Variants in MSL2 observed in about 807,000 individuals in gnomAD.
MSL2 encodes MSL complex subunit 2.
In MSL2, 2 loss-of-function variants were observed where a neutral mutation model predicts 35.8. The ratio of observed to expected loss-of-function variants is 0.06; its 90% confidence interval spans 0.02 to 0.18. MSL2 has a LOEUF of 0.18. Ranked by LOEUF, MSL2 falls within the 10% of genes least tolerant of loss-of-function variation. The pLI, the probability that MSL2 is intolerant of heterozygous loss-of-function variation, is 1.00. For synonymous variants in MSL2, 296 were observed against 255.7 expected (o/e 1.16, Z -1.50); for missense variants, 523 against 706.7 (o/e 0.74, Z 2.95).
chr3:136,169,165 G>C (rs1328125600), intron 1 of MSL2, among the ~76,000 whole-genome samples: 3 of 132,470 alleles, frequency 2.3e-5, no homozygotes, highest in African/African-American at 8.7e-5. Flanking sequence ...TGTAGTCTTG[G>C]ATTCTGCCAG....
intron 1 of MSL2, among the ~76,000 whole-genome samples, chr3:136,183,423 G>GT (rs200993213): frequency 0.01 from 1,523 of 151,824 alleles, 28 homozygotes; most frequent in African/African-American, 0.033. Context: ...TGAAAGTTTT[G>GT]TTTTTTGGTT....
At chr3:136,157,119 G>A (rs555894747) in intron 1 of MSL2, among the ~76,000 whole-genome samples, 1 of 152,168 alleles carries the variant, frequency 6.6e-6, no homozygotes, top group South Asian at 2.1e-4. Context: ...AAACTAATCA[G>A]GTTAAAGCAA....
chr3:136,187,666 T>C (rs1475279556), intron 1 of MSL2, among the ~76,000 whole-genome samples: 2 of 151,064 alleles, frequency 1.3e-5, no homozygotes, highest in Non-Finnish European at 2.9e-5. Flanking sequence ...CAAGACTCCG[T>C]CTCAAAAAAA....
intron 1 of MSL2, among the ~76,000 whole-genome samples, chr3:136,175,552 T>C (rs1940149704): frequency 1.3e-5 from 2 of 151,962 alleles, no homozygotes; most frequent in African/African-American, 4.8e-5. Context: ...CCAGACATGG[T>C]GGCACATGCC....
Position 136,194,951 on chromosome 3 carries a change from GAAC to G in MSL2, c.142+18_142+20del. 6.2e-7 allele frequency: 1 copy of G among 1,613,240 alleles called. No individual in the cohort carries two copies. The highest frequency in any genetic ancestry group is 8.5e-7 in the Non-Finnish European group (1 of 1,179,844). On this transcript the variant is annotated intron_variant, in intron 1 of 1. Transcript: ENST00000309993. ...CTTTTAAAAACAAGCATTGAAAAGG[GAAC>G]AATAAAAAGCGTCTCACCGCAAACA... is the stretch of plus-strand genomic sequence containing the variant.
Position 136,195,554 on chromosome 3 carries a change from G to A in MSL2, c.-441C>T. On this transcript the variant is annotated 5_prime_UTR_variant, in exon 1 of 2. Coordinates refer to ENST00000309993, the MANE Select transcript of MSL2 (RefSeq NM_018133.4). ...CCCGGCCCCGTCTGAGGCGCGGCAC[G>A]CTTCTCCCGGGCTGCAGGGCCTCTT... 2.0e-6 allele frequency: 2 copies of A among 999,808 alleles called. No individual in the cohort carries two copies. Among genetic ancestry groups the A allele is most frequent in the Non-Finnish European group, 2.4e-6 (2 of 839,486 alleles). 61.9% of individuals were successfully genotyped at this position (999,808 alleles called of 1,614,324 possible).
At chr3:136,175,714 A>G (rs1297775524) in intron 1 of MSL2, among the ~76,000 whole-genome samples, 1 of 152,212 alleles carries the variant, frequency 6.6e-6, no homozygotes, top group Non-Finnish European at 1.5e-5. Context: ...AGTCTGAGAT[A>G]GGGCCGGAAC....
At position 136,152,589 on chromosome 3, in the gene MSL2, T is replaced by G; in HGVS notation, c.292A>C (p.Ile98Leu). The G allele has an allele frequency of 1.2e-6, 2 of 1,614,206 alleles. No homozygotes were observed. Among genetic ancestry groups the G allele is most frequent in the Non-Finnish European group, 8.5e-7 (1 of 1,180,040 alleles). ...EQFEENKQLS[I>L]LVNCYKKLCE... Reference sequence around the variant, plus strand: ...AGTTTTTTGTAGCAGTTCACTAGGATGCTTAACTGCTTGTTTTCCTCAAAC... The same window carrying G: ...AGTTTTTTGTAGCAGTTCACTAGGAGGCTTAACTGCTTGTTTTCCTCAAAC... Residue 98 changes from isoleucine to leucine, a missense_variant, in exon 2 of 2, where the codon ATC (isoleucine) becomes CTC (leucine). Ile to Leu is a conservative substitution (Grantham distance 5). Coordinates refer to ENST00000309993, the MANE Select transcript of MSL2 (RefSeq NM_018133.4).
chr3:136,194,320 A>T (rs1187914205), intron 1 of MSL2: 5 of 728,904 alleles, frequency 6.9e-6, no homozygotes, highest in Non-Finnish European at 8.4e-6. Flanking sequence ...TTTAACAAAA[A>T]CATCTAAAAT....
intron 1 of MSL2, among the ~76,000 whole-genome samples, chr3:136,183,737 C>G (rs1263504534): frequency 6.6e-6 from 1 of 152,124 alleles, no homozygotes; most frequent in Non-Finnish European, 1.5e-5. Context: ...ATACATGCAG[C>G]AAAAACTTAT....
Position 136,158,252 on chromosome 3 carries a change from C to T in MSL2, c.143-5514G>A, listed in dbSNP as rs113188413. Among the ~76,000 whole-genome samples, 1,429 of 151,220 alleles carry T rather than the reference C, an allele frequency of 9.4e-3. 15 individuals carry two copies. Among genetic ancestry groups the T allele is most frequent in the African/African-American group, 0.033 (1,374 of 41,206 alleles). On this transcript the variant is annotated intron_variant, in intron 1 of 1. Transcript: ENST00000309993. ...GCTTCAATCCAGGAGGCGGAGGCTG[C>T]GGTGAGCCGAGATCATGCCACTGCA...
chr3:136,152,111 C>T lies in MSL2; in HGVS notation c.770G>A (p.Ser257Asn), dbSNP rs986660962. 3.7e-6 allele frequency: 6 copies of T among 1,614,168 alleles called. No homozygotes were observed. Among genetic ancestry groups the T allele is most frequent in the Non-Finnish European group, 5.1e-6 (6 of 1,180,042 alleles). ...CSTGIDICSF[S>N]EDIKPGDSLL... is the part of the protein sequence containing the mutation. ...AGAGTCTCCAGGTTTTATATCTTCA[C>T]TGAAACTGCAGATATCAATGCCTGT... The change falls in exon 2 of 2, where the codon AGT becomes AAT. Residue 257 changes from serine to asparagine, a missense_variant. By Grantham distance (46) the Ser-to-Asn change is conservative. Around this residue, in one of 5 missense-constraint regions of MSL2, gnomAD observed 361 missense variants for 414.6 expected, o/e 0.87. Transcript: ENST00000309993.
intron 1 of MSL2, among the ~76,000 whole-genome samples, chr3:136,158,049 C>CG (rs1199184338): frequency 3.9e-5 from 6 of 152,202 alleles, no homozygotes; most frequent in Admixed American, 3.9e-4. Flanking sequence ...CAGTGGCTCA[C>CG]GCCTGTAATC....
At chr3:136,189,229 G>A (rs1429440053) in intron 1 of MSL2, among the ~76,000 whole-genome samples, 2 of 147,066 alleles carry the variant, frequency 1.4e-5, no homozygotes, top group Non-Finnish European at 3.0e-5. Context: ...AAGCCCAAGA[G>A]GTTGAGCTGC....
At chr3:136,190,978 C>G (rs543272902) in intron 1 of MSL2, among the ~76,000 whole-genome samples, 1 of 152,296 alleles carries the variant, frequency 6.6e-6, no homozygotes, top group East Asian at 1.9e-4. Flanking sequence ...CAGTGATAAT[C>G]AGCTAATTAA....
intron 1 of MSL2, among the ~76,000 whole-genome samples, chr3:136,179,734 TAA>T (rs1433807505): frequency 1.3e-5 from 2 of 152,216 alleles, no homozygotes; most frequent in African/African-American, 4.8e-5. Context: ...TTATCTAAAT[TAA>T]GTTTTAAAAT....
intron 1 of MSL2, among the ~76,000 whole-genome samples, chr3:136,190,288 A>G (rs1193739589): frequency 6.6e-6 from 1 of 152,154 alleles, no homozygotes; most frequent in Non-Finnish European, 1.5e-5. Context: ...GAAATAGTAC[A>G]GCTACCGGGG....
intron 1 of MSL2, chr3:136,194,363 C>G: frequency 1.0e-6 from 1 of 975,028 alleles, no homozygotes; most frequent in Non-Finnish European, 1.2e-6. Context: ...TATTAAACCA[C>G]AAAATGAAAA....
At chr3:136,164,828 T>C (rs534063844) in intron 1 of MSL2, among the ~76,000 whole-genome samples, 2 of 152,274 alleles carry the variant, frequency 1.3e-5, no homozygotes, top group African/African-American at 4.8e-5. Context: ...GTGTTCCATA[T>C]AGTTACACAC....
Sources: allele counts gnomAD v4.1 joint callset (sites outside exome capture counted in the v4.1 genomes callset), GRCh38; gene constraint gnomAD v4.1.1; regional missense constraint gnomAD v4.1.1; transcripts MANE v1.5; gene names NCBI Gene and HGNC (gene_info 2026-07-23, HGNC 2026-07-21).